AGFG1: variants seen among roughly 807,000 people sequenced by gnomAD.
AGFG1 encodes the protein arf-GAP domain and FG repeat-containing protein 1.
In AGFG1, 10 loss-of-function variants were observed where a neutral mutation model predicts 60.6. That is an observed-to-expected ratio of 0.16 (90% CI 0.10 to 0.28). The LOEUF is 0.28. Ranked by LOEUF, AGFG1 falls within the 10% of genes least tolerant of loss-of-function variation. AGFG1 has a pLI of 1.00. For synonymous variants in AGFG1, 247 were observed against 242.9 expected, an observed-to-expected ratio of 1.02 and a Z score of -0.16; for missense variants, 537 against 676.5, an observed-to-expected ratio of 0.79 and a Z score of 2.29.
At chr2:227,524,656 T>C in intron 4 of AGFG1, 106 bp from the exon 5 acceptor site, 1 of 1,177,950 alleles carries the variant, frequency 8.5e-7, no homozygotes, top group Non-Finnish European at 1.2e-6. Context: ...CTCAGCATAC[T>C]GTAACTCTTC....
intron 10 of AGFG1, among the ~76,000 whole-genome samples, chr2:227,546,129 A>C (rs1692638923): frequency 6.6e-6 from 1 of 152,196 alleles, no homozygotes; most frequent in Admixed American, 6.5e-5. Context: ...GTTGAGCTGC[A>C]GTGGGTTCCA....
intron 1 of AGFG1, among the ~76,000 whole-genome samples, chr2:227,489,597 G>A (rs1433604581): frequency 6.6e-6 from 1 of 151,938 alleles, no homozygotes; most frequent in Non-Finnish European, 1.5e-5. Context: ...CCTATTTTAT[G>A]ACAACAGAAG....
intron 10 of AGFG1, among the ~76,000 whole-genome samples, chr2:227,538,813 A>G (rs1353978508): frequency 6.6e-6 from 1 of 152,228 alleles, no homozygotes; most frequent in African/African-American, 2.4e-5. Context: ...TACATAGGAT[A>G]TAAAATAATA....
At chr2:227,530,484 C>T (rs1692125470) in intron 5 of AGFG1, among the ~76,000 whole-genome samples, 2 of 152,034 alleles carry the variant, frequency 1.3e-5, no homozygotes, top group Admixed American at 6.6e-5. Flanking sequence ...TCTATGCTAG[C>T]ATTCATTGTT....
rs193031057 is a variant in AGFG1, at chr2:227,518,843, T to C, written c.262-1105T>C. On this transcript the variant is annotated intron_variant, in intron 2 of 12. Coordinates refer to ENST00000310078, the MANE Select transcript of AGFG1 (RefSeq NM_004504.5). ...AATGATAGTGGGCTGCTGATATCTT[T>C]GGTGAAGTGTTTGTTCAGACCTTTT... Among the ~76,000 whole-genome samples the C allele has an allele frequency of 2.6e-4, 40 of 152,302 alleles. 1 individual carries two copies. Among genetic ancestry groups the C allele is most frequent in the Admixed American group, 2.3e-3 (35 of 15,294 alleles).
chr2:227,529,854 T>C (rs1455144074), intron 5 of AGFG1, among the ~76,000 whole-genome samples: 1 of 151,700 alleles, frequency 6.6e-6, no homozygotes, highest in Non-Finnish European at 1.5e-5. Context: ...CACATGGAAA[T>C]AGGGGTTTAG....
intron 3 of AGFG1, among the ~76,000 whole-genome samples, chr2:227,522,580 G>GA (rs969409008): frequency 3.3e-5 from 5 of 152,098 alleles, no homozygotes; most frequent in Non-Finnish European, 7.4e-5. Flanking sequence ...TTTTATAAAT[G>GA]AAAAAAATGG....
Position 227,497,735 on chromosome 2 carries a change from G to GTTTTTTTTTTTTTTTTTTTTTT in AGFG1, c.261+6100_261+6121dup, listed in dbSNP as rs869114764. Among the ~76,000 whole-genome samples, 7 of 28,028 alleles carry GTTTTTTTTTTTTTTTTTTTTTT rather than the reference G, an allele frequency of 2.5e-4. 2 individuals are homozygous for GTTTTTTTTTTTTTTTTTTTTTT. The highest frequency in any genetic ancestry group is 4.3e-4 in the Non-Finnish European group (6 of 14,030). 18.4% of individuals were successfully genotyped at this position (28,028 alleles called of 152,430 possible). A position where few individuals can be genotyped will look rare whatever the true frequency, so the allele number is the denominator to read the frequency against. ...GCCAAATGAGTTTCTTTCTTGTTTT[G>GTTTTTTTTTTTTTTTTTTTTTT]TTTTTTTTTTTTTTTTTTTTTTTTT... On this transcript the variant is annotated intron_variant, in intron 2 of 12. Transcript: ENST00000310078.
chr2:227,491,624 A>G lies in AGFG1; in HGVS notation c.245A>G (p.Gln82Arg). The change falls in exon 2 of 13, where the codon CAA becomes CGA. Residue 82 changes from glutamine (Q) to arginine (R), a missense_variant. Gln to Arg is a conservative substitution (Grantham distance 43). This residue lies in a region of AGFG1 where 120 missense variants were observed against 198.5 expected (regional missense o/e 0.60). Transcript: ENST00000310078. ...ACACAACAGGAAATTGAATTCTTAC[A>G]AAAACATGGAAATGAAGTAAGTGGT... ...TFTQQEIEFL[Q>R]KHGNEVCKQI... 6.4e-7 allele frequency: 1 copy of G among 1,552,936 alleles called. No individual in the cohort carries two copies. The highest frequency in any genetic ancestry group is 1.3e-5 in the South Asian group (1 of 78,028).
intron 5 of AGFG1, among the ~76,000 whole-genome samples, chr2:227,528,268 G>A (rs1174996763): frequency 6.6e-6 from 1 of 152,136 alleles, no homozygotes; most frequent in Non-Finnish European, 1.5e-5. Context: ...GTCCTAGGAT[G>A]ACATGGATCT....
At chr2:227,518,884 A>T (rs776540185) in intron 2 of AGFG1, among the ~76,000 whole-genome samples, 2 of 152,184 alleles carry the variant, frequency 1.3e-5, no homozygotes, top group African/African-American at 2.4e-5. Flanking sequence ...CGCTTTAAAC[A>T]AGTGTTGGCT....
rs61751212 is a variant in AGFG1 at position 227,552,002 on chromosome 2, C to T, written c.1422C>T (p.Phe474=). The T allele has an allele frequency of 5.0e-4, 804 of 1,614,160 alleles. 2 individuals carry two copies. The highest frequency in any genetic ancestry group is 6.5e-4 in the Non-Finnish European group (765 of 1,180,020). ...GTASMSMPTG[F]GTPAPYSLPT... The stretch of plus-strand genomic sequence containing the variant: ...CATCCATGAGCATGCCCACAGGATT[C>T]GGCACTCCTGCTCCCTACAGTCTTC... Residue 474 remains phenylalanine, a synonymous_variant, in exon 11 of 13, where the codon TTC becomes TTT. Transcript: ENST00000310078.
At chr2:227,539,391 T>G (rs930343791) in intron 10 of AGFG1, among the ~76,000 whole-genome samples, 1 of 146,358 alleles carries the variant, frequency 6.8e-6, no homozygotes, top group African/African-American at 2.6e-5. Flanking sequence ...TGCAGTGAGC[T>G]GAGATCATGC....
At position 227,502,012 on chromosome 2, in the gene AGFG1, C is replaced by T. The variant is rs182408047; in HGVS notation, c.261+10372C>T. 1.2e-4 allele frequency among the ~76,000 whole-genome samples: 19 copies of T among 152,184 alleles called. No homozygotes were observed. The East Asian group carries it at 3.7e-3, about 30-fold the overall frequency. ...TAGCTGGGACTACAGGTGCGTGCCA[C>T]CATGCCTGGCTAATACTGTTTATTT... is the stretch of plus-strand genomic sequence containing the variant. On this transcript the variant is annotated intron_variant, in intron 2 of 12. Transcript: ENST00000310078.
chr2:227,478,239 T>TAAAAAA (rs11383048), intron 1 of AGFG1, among the ~76,000 whole-genome samples: 1 of 143,880 alleles, frequency 7.0e-6, no homozygotes, highest in Non-Finnish European at 1.5e-5. Flanking sequence ...AAGCAATCAG[T>TAAAAAA]AAAAAAAAAA....
intron 3 of AGFG1, among the ~76,000 whole-genome samples, chr2:227,522,842 C>G (rs888462308): frequency 3.9e-5 from 6 of 152,224 alleles, no homozygotes; most frequent in African/African-American, 1.4e-4. Flanking sequence ...TATATCCTTG[C>G]TACCTCTCCT....
intron 2 of AGFG1, among the ~76,000 whole-genome samples, chr2:227,518,729 T>A (rs912302255): frequency 1.3e-5 from 2 of 152,040 alleles, no homozygotes; most frequent in Non-Finnish European, 2.9e-5. Context: ...TTTCACCATT[T>A]TGGCCAGTCT....
chr2:227,537,672 AT>A (rs1454622313), intron 10 of AGFG1, among the ~76,000 whole-genome samples: 2 of 152,156 alleles, frequency 1.3e-5, no homozygotes, highest in African/African-American at 4.8e-5. Flanking sequence ...CACCAGAGAT[AT>A]TTGCCAGTAT....
chr2:227,547,714 A>G (rs761276569), intron 10 of AGFG1, among the ~76,000 whole-genome samples: 46 of 152,246 alleles, frequency 3.0e-4, no homozygotes, highest in Non-Finnish European at 5.3e-4. Flanking sequence ...GGAGGTAGAG[A>G]AAATAGAAAC....
Sources: gnomAD v4.1 joint callset for allele counts (sites outside exome capture counted in the v4.1 genomes callset) on GRCh38, gnomAD v4.1.1 for gene constraint, gnomAD v4.1.1 regional missense constraint, MANE v1.5 for transcripts, NCBI Gene and HGNC (gene_info 2026-07-23, HGNC 2026-07-21) for gene names.